The following RGS7 variants were observed in gnomAD, a reference collection of about 807,000 sequenced individuals.
RGS7 encodes regulator of G protein signaling 7, also known as regulator of G-protein signaling 7.
Under a neutral mutation model 81.1 loss-of-function variants are expected in RGS7, and 27 were observed. The ratio of observed to expected loss-of-function variants is 0.33; its 90% CI spans 0.25 to 0.46. The LOEUF is 0.46. Ranked by LOEUF, RGS7 falls within the 20% of genes least tolerant of loss-of-function variation. The pLI, the probability that RGS7 is intolerant of heterozygous loss-of-function variation, is 1.00. For missense variants in RGS7, 396 were observed against 607.4 expected (o/e 0.65, Z 3.66); for synonymous variants, 208 against 207.7 (o/e 1.00, Z -0.01).
chr1:241,002,385 G>A (rs761153586), intron 3 of RGS7, among the ~76,000 whole-genome samples: 3 of 151,558 alleles, frequency 2.0e-5, no homozygotes, highest in Non-Finnish European at 4.4e-5. Flanking sequence ...CCCGGGAGGC[G>A]TAGGTTGCAC....
intron 6 of RGS7, among the ~76,000 whole-genome samples, chr1:240,894,873 T>C (rs1220255840): frequency 6.6e-6 from 1 of 152,182 alleles, no homozygotes; most frequent in Non-Finnish European, 1.5e-5. Context: ...TAGGAAACAA[T>C]ATTCTATAGC....
intron 3 of RGS7, among the ~76,000 whole-genome samples, chr1:241,056,917 T>A (rs948957377): frequency 4.6e-5 from 7 of 152,202 alleles, no homozygotes; most frequent in African/African-American, 1.7e-4. Flanking sequence ...GGATTCCACT[T>A]TTCTTACTGT....
rs149823580 is a variant in RGS7, at chr1:241,053,607, C to T, written c.175+45059G>A. On this transcript the variant is annotated intron_variant, in intron 3 of 18. Coordinates refer to ENST00000440928, the MANE Select transcript of RGS7 (RefSeq NM_001364886.1). ...ATAGATCTTACTTAGCAATAAGGTG[C>T]TCACTATTATCATCGTAAGATTTTT... Among the ~76,000 whole-genome samples the T allele has an allele frequency of 4.1e-3, 620 of 152,258 alleles. 5 individuals carry two copies. Among genetic ancestry groups the T allele is most frequent in the African/African-American group, 0.014 (592 of 41,550 alleles).
chr1:241,276,560 T>C (rs1338396072), intron 2 of RGS7, among the ~76,000 whole-genome samples: 2 of 152,214 alleles, frequency 1.3e-5, no homozygotes, highest in African/African-American at 2.4e-5. Flanking sequence ...CTGCTACGAT[T>C]TGCATACTCA....
chr1:241,135,420 C>G (rs1363882317), intron 2 of RGS7, among the ~76,000 whole-genome samples: 1 of 152,140 alleles, frequency 6.6e-6, no homozygotes, highest in Non-Finnish European at 1.5e-5. Context: ...GAGCGAGACT[C>G]CGTCTGAACA....
At chr1:241,210,820 G>A (rs536761289) in intron 2 of RGS7, among the ~76,000 whole-genome samples, 89 of 152,300 alleles carry the variant, frequency 5.8e-4, no homozygotes, top group African/African-American at 2.0e-3. Context: ...GACACAGGGC[G>A]AAGGGACCTC....
intron 9 of RGS7, among the ~76,000 whole-genome samples, chr1:240,860,920 A>C (rs1319398766): frequency 6.6e-6 from 1 of 152,088 alleles, no homozygotes; most frequent in Non-Finnish European, 1.5e-5. Flanking sequence ...AAACAAACTC[A>C]CTGTTCCAAA....
intron 2 of RGS7, among the ~76,000 whole-genome samples, chr1:241,169,229 T>C (rs1457584297): frequency 6.6e-6 from 1 of 152,084 alleles, no homozygotes; most frequent in Non-Finnish European, 1.5e-5. Context: ...TATACATGTA[T>C]CTATATGTGT....
intron 3 of RGS7, among the ~76,000 whole-genome samples, chr1:241,060,837 A>G (rs953218075): frequency 6.6e-6 from 1 of 152,192 alleles, no homozygotes; most frequent in Non-Finnish European, 1.5e-5. Flanking sequence ...TAGCGTTACA[A>G]GAATAGCTTA....
At chr1:241,267,183 C>A (rs986909067) in intron 2 of RGS7, among the ~76,000 whole-genome samples, 4 of 152,118 alleles carry the variant, frequency 2.6e-5, no homozygotes. Flanking sequence ...CAGCGTCTTC[C>A]TCAAAAAAGG....
intron 2 of RGS7, among the ~76,000 whole-genome samples, chr1:241,254,178 A>G (rs1017528722): frequency 1.9e-4 from 29 of 150,448 alleles, no homozygotes; most frequent in Middle Eastern, 3.4e-3. Flanking sequence ...CAGCCTGGGC[A>G]ACAGAGCAAG....
At chr1:240,822,327 A>C (rs1691949264) in intron 10 of RGS7, among the ~76,000 whole-genome samples, 1 of 152,244 alleles carries the variant, frequency 6.6e-6, no homozygotes, top group African/African-American at 2.4e-5. Context: ...ATTTTACTGT[A>C]TTAAAAAACA....
chr1:240,963,059 G>A (rs147628566), intron 4 of RGS7, among the ~76,000 whole-genome samples: 4 of 152,294 alleles, frequency 2.6e-5, no homozygotes, highest in East Asian at 1.9e-4. Context: ...ATTGACTGGT[G>A]TGGGAAAAGA....
At chr1:241,251,573 G>A (rs546395846) in intron 2 of RGS7, among the ~76,000 whole-genome samples, 3 of 151,576 alleles carry the variant, frequency 2.0e-5, no homozygotes, top group South Asian at 2.1e-4. Context: ...GCAATGGCGC[G>A]AGCTTGGCTC....
chr1:240,918,649 A>G (rs759721641), intron 6 of RGS7, among the ~76,000 whole-genome samples: 20 of 152,148 alleles, frequency 1.3e-4, no homozygotes, highest in Non-Finnish European at 2.2e-4. Flanking sequence ...AAGATCTAAA[A>G]TCAATAATCT....
At chr1:241,314,616 C>T (rs1434970453) in intron 2 of RGS7, among the ~76,000 whole-genome samples, 2 of 152,132 alleles carry the variant, frequency 1.3e-5, no homozygotes, top group African/African-American at 4.8e-5. Flanking sequence ...GCCTATAATA[C>T]ATAAATTATA....
chr1:240,868,492 G>A lies in RGS7; in HGVS notation c.609+95C>T, dbSNP rs1236693201. 1 of 1,008,808 alleles carries A rather than the reference G, an allele frequency of 9.9e-7. No homozygotes were observed. The highest frequency in any genetic ancestry group is 1.6e-6 in the Non-Finnish European group (1 of 633,164). The allele number at this position is 1,008,808 out of a possible 1,614,324, so 62.5% of individuals were successfully genotyped here. A position where few individuals can be genotyped will look rare whatever the true frequency, so the allele number is the denominator to read the frequency against. On this transcript the variant is annotated intron_variant, in intron 9 of 18. Coordinates refer to ENST00000440928, the MANE Select transcript of RGS7 (RefSeq NM_001364886.1). This position sits in a 1 kb window ranked among gnomAD's most constrained non-coding sequence, Gnocchi z 5.1. The stretch of plus-strand genomic sequence containing the variant: ...CCAAGATACCATGGAGCGTGCATGG[G>A]GTCACTACAGTCTTTCACTTACTTT...
rs115403897 is a variant in RGS7 at position 241,341,548 on chromosome 1, G to A, written c.78+14151C>T. Among the ~76,000 whole-genome samples the A allele has an allele frequency of 9.2e-3, 1,403 of 152,052 alleles. 21 individuals carry two copies. Among genetic ancestry groups the A allele is most frequent in the African/African-American group, 0.033 (1,354 of 41,456 alleles). ...ATTGAAAATGATGGAAAAGGAGAAGGAGAAGAAGGAAAAGGAAGGAAGAAA... is the reference window on the plus strand; with the variant it reads ...ATTGAAAATGATGGAAAAGGAGAAGAAGAAGAAGGAAAAGGAAGGAAGAAA... On this transcript the variant is annotated intron_variant, in intron 2 of 18. Transcript: ENST00000440928.
intron 2 of RGS7, among the ~76,000 whole-genome samples, chr1:241,189,925 A>C (rs1342033987): frequency 6.6e-6 from 1 of 151,712 alleles, no homozygotes; most frequent in Non-Finnish European, 1.5e-5. Flanking sequence ...CCCACGGTGA[A>C]ACCCCGTCTC....
Sources: allele counts gnomAD v4.1 joint callset (sites outside exome capture counted in the v4.1 genomes callset), GRCh38; gene constraint gnomAD v4.1.1; non-coding constraint Gnocchi (gnomAD v3.1); transcripts MANE v1.5; gene names NCBI Gene and HGNC (gene_info 2026-07-23, HGNC 2026-07-21).